ERI2: variants seen among roughly 807,000 people sequenced by gnomAD.
ERI2 encodes the protein ERI1 exoribonuclease 2.
A neutral mutation model predicts 46.8 loss-of-function variants in ERI2; 35 were observed. The observed-to-expected ratio is 0.75, with a 90% CI of 0.57 to 0.99. The LOEUF (loss-of-function observed/expected upper bound fraction) is 0.99, where lower values mean the gene tolerates loss of function less well. Among genes scored for constraint, ERI2 ranks in the 50% least tolerant of loss-of-function variants. The pLI is 0.00. For synonymous variants in ERI2, 224 were observed against 271.0 expected, an observed-to-expected ratio of 0.83 and a Z score of 1.70; for missense variants, 695 against 796.2, an observed-to-expected ratio of 0.87 and a Z score of 1.53.
At chr16:20,801,602 T>C (rs1018480891) in intron 4 of ERI2, among the ~76,000 whole-genome samples, 1 of 152,096 alleles carries the variant, frequency 6.6e-6, no homozygotes, top group Non-Finnish European at 1.5e-5. Flanking sequence ...GTAAGAAAGA[T>C]TAGGTTGATA....
chr16:20,796,372 A>G lies in ERI2; in HGVS notation c.*1352T>C. On this transcript the variant is annotated 3_prime_UTR_variant, in exon 9 of 9. Transcript: ENST00000357967. ...GGTGTTTCAAATATTTATTTTAGGT[A>G]GTAAAGGCTTTTGTCGTTCTAAATC... 6.2e-7 allele frequency: 1 copy of G among 1,609,280 alleles called. No individual in the cohort carries two copies.
rs769765337 is a variant in ERI2 at position 20,780,883 on chromosome 16, G to A, written c.895-149C>T. The A allele has an allele frequency of 1.4e-5, 22 of 1,613,800 alleles. No individual in the cohort carries two copies. The African/African-American group carries it at 2.3e-4, about 17-fold the overall frequency. ...GTATACTTTCACAAAAGTGCAGCTTGAAGTGTCAAAACTGCAAAGATGATG... is the reference window on the plus strand; with the variant it reads ...GTATACTTTCACAAAAGTGCAGCTTAAAGTGTCAAAACTGCAAAGATGATG... On this transcript the variant is annotated intron_variant, in intron 10 of 10. Transcript: ENST00000300005.
At chr16:20,796,295 G>A, downstream of ERI2, 4 of 1,560,442 alleles carry the variant, frequency 2.6e-6, no homozygotes, top group Non-Finnish European at 3.5e-6. Context: ...TAGATTCTCA[G>A]AGCAAGCAAA....
At chr16:20,806,269 A>G in intron 1 of ERI2, 139 bp downstream of exon 1, 1 of 1,437,606 alleles carries the variant, frequency 7.0e-7, no homozygotes, top group East Asian at 2.7e-5. Flanking sequence ...ACCGTGCCAG[A>G]GAGGGCAGGT....
chr16:20,782,644 A>C (rs529478839), intron 10 of ERI2, among the ~76,000 whole-genome samples: 1 of 152,172 alleles, frequency 6.6e-6, no homozygotes, highest in Non-Finnish European at 1.5e-5. Flanking sequence ...TTAATGACTC[A>C]GTCCCACAAG....
rs1348649550 is a variant in ERI2, at chr16:20,790,603, G to A, written c.815+247C>T. On this transcript the variant is annotated intron_variant, in intron 9 of 10. Transcript: ENST00000300005. This position sits in a 1 kb window ranked among gnomAD's most constrained non-coding sequence, Gnocchi z 4.0. ...TTATCCTAGATTGTAGATGTAAATG[G>A]CAATGTTCTACCTCCTGGACAAGAA... is the stretch of plus-strand genomic sequence containing the variant. 2 of 1,613,860 alleles carry A rather than the reference G, an allele frequency of 1.2e-6. No individual in the cohort carries two copies. The highest frequency in any genetic ancestry group is 2.2e-5 in the East Asian group (1 of 44,854).
At chr16:20,794,865 C>G (rs2080686824), downstream of ERI2, among the ~76,000 whole-genome samples, 1 of 152,132 alleles carries the variant, frequency 6.6e-6, no homozygotes, top group African/African-American at 2.4e-5. Flanking sequence ...ATACTCTTAC[C>G]CATGTTAGGT....
chr16:20,792,032 C>T (rs372092809), downstream of ERI2: 47 of 1,613,856 alleles, frequency 2.9e-5, 2 homozygotes, highest in Middle Eastern at 1.6e-4. Context: ...TTCAACTCTA[C>T]GAGGCAATTT....
At position 20,796,434 on chromosome 16, in the gene ERI2, A is replaced by C; in HGVS notation, c.*1290T>G. The C allele has an allele frequency of 6.2e-7, 1 of 1,613,946 alleles. No individual in the cohort carries two copies. Among genetic ancestry groups the C allele is most frequent in the Non-Finnish European group, 8.5e-7 (1 of 1,179,958 alleles). ...TCACATGATCAAGAACAACTAATAA[A>C]GGAGATTCAGGAGCATGTTAAAAAA... is the stretch of plus-strand genomic sequence containing the variant. On this transcript the variant is annotated 3_prime_UTR_variant, in exon 9 of 9. Transcript: ENST00000357967.
chr16:20,802,593 T>G (rs2080807915), intron 4 of ERI2, among the ~76,000 whole-genome samples: 1 of 151,332 alleles, frequency 6.6e-6, no homozygotes, highest in South Asian at 2.1e-4. Flanking sequence ...TTTTTTTTTT[T>G]TAGAGATGGG....
chr16:20,802,817 C>T lies in ERI2; in HGVS notation c.282G>A (p.Met94Ile), dbSNP rs753303057. The change falls in exon 4 of 9, where the codon ATG becomes ATA. Residue 94 changes from methionine to isoleucine, a missense_variant. Met to Ile is a conservative substitution (Grantham distance 10, BLOSUM62 1). Coordinates refer to ENST00000357967, the MANE Select transcript of ERI2 (RefSeq NM_001142725.2). Reference protein sequence around the residue: ...QEHPILSEFCMELTGIKQAQV... With the variant: ...QEHPILSEFCIELTGIKQAQV... ...ATACCTGCTTTATGCCTGTCAATTC[C>T]ATGCAAAATTCTGAAAGAATTGGAT... 1 of 1,609,336 alleles carries T rather than the reference C, an allele frequency of 6.2e-7. No homozygotes were observed. Among genetic ancestry groups the T allele is most frequent in the South Asian group, 1.1e-5 (1 of 90,536 alleles).
Position 20,798,789 on chromosome 16 carries a change from A to G in ERI2, c.1011T>C (p.Thr337=). 6.4e-7 allele frequency: 1 copy of G among 1,551,658 alleles called. No individual in the cohort carries two copies. The highest frequency in any genetic ancestry group is 8.7e-7 in the Non-Finnish European group (1 of 1,146,926). The change falls in exon 9 of 9, where the codon ACT becomes ACC. Residue 337 remains threonine, a synonymous_variant. Coordinates refer to ENST00000357967, the MANE Select transcript of ERI2 (RefSeq NM_001142725.2). ...SLPLFNTKSS[T]SVGQLQSPTL... ...TAGGAGACTGCAACTGCCCCACAGA[A>G]GTAGAGGACTTAGTATTAAAAAGAG...
chr16:20,805,251 C>T (rs2080846633), intron 1 of ERI2, among the ~76,000 whole-genome samples: 1 of 151,926 alleles, frequency 6.6e-6, no homozygotes, highest in South Asian at 2.1e-4. Flanking sequence ...CATAGAGAAA[C>T]CCCATTTCTA....
At chr16:20,791,032 G>A in intron 8 of ERI2, 2 of 1,278,416 alleles carry the variant, frequency 1.6e-6, no homozygotes, top group Non-Finnish European at 2.2e-6. Context: ...TTCTTTTCGG[G>A]AAGAGTGAGA....
chr16:20,806,403 A>G lies in ERI2; in HGVS notation c.23+5T>C. The G allele has an allele frequency of 1.3e-6, 2 of 1,550,542 alleles. No homozygotes were observed. Among genetic ancestry groups the G allele is most frequent in the South Asian group, 1.2e-5 (1 of 84,090 alleles). On this transcript the variant is annotated splice_donor_5th_base_variant and intron_variant, in intron 1 of 8. Coordinates refer to ENST00000357967, the MANE Select transcript of ERI2 (RefSeq NM_001142725.2). Reference sequence around the variant, plus strand: ...CCGCCCCCGACCCGGAACTCCCTCGAGTACCGCGCGAGCCGCTTGGTCGCC... The same window carrying G: ...CCGCCCCCGACCCGGAACTCCCTCGGGTACCGCGCGAGCCGCTTGGTCGCC...
In ERI2 at chr16:20,797,577, A is replaced by G; in HGVS notation, c.*147T>C. The G allele has an allele frequency of 3.9e-6, 5 of 1,296,432 alleles. No homozygotes were observed. Among genetic ancestry groups the G allele is most frequent in the South Asian group, 2.7e-5 (1 of 36,682 alleles). 80.3% of individuals were successfully genotyped at this position (1,296,432 alleles called of 1,614,324 possible). A position where few individuals can be genotyped will look rare whatever the true frequency, so the allele number is the denominator to read the frequency against. ...TGTAATCTAATAAATACTGTTTACA[A>G]AAGATTACACTTGTGGTTCCTGAAG... On this transcript the variant is annotated 3_prime_UTR_variant, in exon 9 of 9. Transcript: ENST00000357967.
At chr16:20,802,061 G>A (rs1224193756) in intron 4 of ERI2, among the ~76,000 whole-genome samples, 7 of 148,498 alleles carry the variant, frequency 4.7e-5, no homozygotes, top group Admixed American at 2.7e-4. Flanking sequence ...TTTTTAAATC[G>A]AGTCCTGAGG....
At chr16:20,782,163 G>C (rs1485133181) in intron 10 of ERI2, among the ~76,000 whole-genome samples, 1 of 152,168 alleles carries the variant, frequency 6.6e-6, no homozygotes, top group East Asian at 1.9e-4. Context: ...TTCTATTGCT[G>C]ATTCCATTTG....
chr16:20,781,130 A>G lies in ERI2; in HGVS notation c.895-396T>C, dbSNP rs539126073. 18 of 1,613,898 alleles carry G rather than the reference A, an allele frequency of 1.1e-5. No homozygotes were observed. The East Asian group carries it at 4.0e-4, about 36-fold the overall frequency. On this transcript the variant is annotated intron_variant, in intron 10 of 10. Transcript: ENST00000300005. ...GTTTTGAGCCGACTTCTATCTTGCA[A>G]GTAAGCCAAAGCACAAAGAGGTCAA...
Sources: allele counts gnomAD v4.1 joint callset (sites outside exome capture counted in the v4.1 genomes callset), GRCh38; gene constraint gnomAD v4.1.1; non-coding constraint Gnocchi (gnomAD v3.1); transcripts MANE v1.5; gene names NCBI Gene and HGNC (gene_info 2026-07-23, HGNC 2026-07-21).